Variants in SH3PXD2B observed in about 807,000 individuals in gnomAD.
SH3PXD2B encodes the protein SH3 and PX domain-containing protein 2B.
In SH3PXD2B, 37 loss-of-function variants were observed where a neutral mutation model predicts 73.1. The ratio of observed to expected loss-of-function variants is 0.51; its 90% CI spans 0.39 to 0.67. SH3PXD2B has a LOEUF of 0.67. Ranked by LOEUF, SH3PXD2B falls within the 30% of genes least tolerant of loss-of-function variation. The pLI is 0.00. For missense variants in SH3PXD2B, 1,053 were observed against 1,197.8 expected, an observed-to-expected ratio of 0.88 and a Z score of 1.78; for synonymous variants, 457 against 480.5, an observed-to-expected ratio of 0.95 and a Z score of 0.64.
chr5:172,338,764 G>C lies in SH3PXD2B; in HGVS notation c.2341C>G (p.Pro781Ala). The C allele has an allele frequency of 6.2e-7, 1 of 1,614,206 alleles. No homozygotes were observed. Among genetic ancestry groups the C allele is most frequent in the Non-Finnish European group, 8.5e-7 (1 of 1,180,036 alleles). Reference protein sequence around the residue: ...SSRPLPEVRGPQCEGHESRAA... With the variant: ...SSRPLPEVRGAQCEGHESRAA... ...CTGCTTTCGTGGCCTTCACACTGTG[G>C]ACCTCTGACCTCTGGGAGCGGCCTG... The change falls in exon 13 of 13, where the codon CCA becomes GCA. Residue 781 changes from proline to alanine, a missense_variant. Coordinates refer to ENST00000311601, the MANE Select transcript of SH3PXD2B (RefSeq NM_001017995.3). The surrounding 1 kb of genome is among the most constrained non-coding windows in gnomAD (Gnocchi z 5.1).
rs916819339 is a variant in SH3PXD2B at position 172,381,897 on chromosome 5, G to A, written c.401+139C>T. ...CTACCCACTTACAGCAACTCTGAAG[G>A]CTAAGTGAAGTGCGGTCTCACAGGG... On this transcript the variant is annotated intron_variant, in intron 5 of 12. Coordinates refer to ENST00000311601, the MANE Select transcript of SH3PXD2B (RefSeq NM_001017995.3). 3.8e-5 allele frequency: 24 copies of A among 639,782 alleles called. No homozygotes were observed. In the African/African-American group the frequency reaches 4.4e-4, roughly 12 times the overall value. 39.6% of individuals were successfully genotyped at this position (639,782 alleles called of 1,614,324 possible).
chr5:172,397,548 C>T (rs1043506789), intron 3 of SH3PXD2B, among the ~76,000 whole-genome samples: 1 of 152,292 alleles, frequency 6.6e-6, no homozygotes, highest in South Asian at 2.1e-4. Context: ...TGATGTCTCC[C>T]CCGGACACCC....
chr5:172,339,992 G>A lies in SH3PXD2B; in HGVS notation c.1189-76C>T. 6.3e-7 allele frequency: 1 copy of A among 1,590,554 alleles called. No homozygotes were observed. The highest frequency in any genetic ancestry group is 8.6e-7 in the Non-Finnish European group (1 of 1,168,588). On this transcript the variant is annotated intron_variant, in intron 12 of 12. Transcript: ENST00000311601. The surrounding 1 kb of genome is among the most constrained non-coding windows in gnomAD (Gnocchi z 6.1). Reference sequence around the variant, plus strand: ...GATGGAATGGTTTGGCAGAACCCATGTGCAACTGGAGCTCTAGAAGCTGTC... The same window carrying A: ...GATGGAATGGTTTGGCAGAACCCATATGCAACTGGAGCTCTAGAAGCTGTC...
At chr5:172,348,748 C>T (rs1757084292) in intron 10 of SH3PXD2B, among the ~76,000 whole-genome samples, 1 of 150,906 alleles carries the variant, frequency 6.6e-6, no homozygotes, top group Non-Finnish European at 1.5e-5. Context: ...GCTCTATTGC[C>T]CAGGCTGGAA....
chr5:172,450,880 G>C (rs1209536526), intron 1 of SH3PXD2B, among the ~76,000 whole-genome samples: 1 of 152,218 alleles, frequency 6.6e-6, no homozygotes, highest in African/African-American at 2.4e-5. Context: ...GGCAGAGAAA[G>C]GCAGGAGCTC....
Position 172,409,162 on chromosome 5 carries a change from G to A in SH3PXD2B, c.157-2810C>T, listed in dbSNP as rs563197216. Among the ~76,000 whole-genome samples the A allele has an allele frequency of 7.2e-5, 11 of 152,160 alleles. No homozygotes were observed. The South Asian group carries it at 2.1e-3, about 29-fold the overall frequency. ...TCTGAGAGGCCGAGGTGGGTGGATG[G>A]CCTGAGGTCAGGAGATCGAGACCAG... On this transcript the variant is annotated intron_variant, in intron 2 of 12. Transcript: ENST00000311601.
intron 1 of SH3PXD2B, among the ~76,000 whole-genome samples, chr5:172,426,048 T>G (rs1236559302): frequency 1.3e-5 from 2 of 152,158 alleles, no homozygotes; most frequent in Non-Finnish European, 2.9e-5. Flanking sequence ...GATTTTTTTC[T>G]TAAAACCAAC....
intron 2 of SH3PXD2B, among the ~76,000 whole-genome samples, chr5:172,418,680 CT>C (rs1252696601): frequency 1.1e-4 from 17 of 152,308 alleles, no homozygotes; most frequent in Admixed American, 1.1e-3. Flanking sequence ...TTCCACGATG[CT>C]TCCAGGATAA....
At chr5:172,420,670 T>C (rs17653344) in intron 2 of SH3PXD2B, among the ~76,000 whole-genome samples, 61,695 of 152,070 alleles carry the variant, frequency 0.41, 13,062 homozygotes, top group East Asian at 0.7. Context: ...TATTGACTTC[T>C]TGGGTGGAGC....
intron 4 of SH3PXD2B, among the ~76,000 whole-genome samples, chr5:172,384,922 C>T (rs1452448528): frequency 6.6e-6 from 1 of 152,184 alleles, no homozygotes; most frequent in African/African-American, 2.4e-5. Context: ...TTCCACCCTT[C>T]TGAGGGGTGA....
intron 4 of SH3PXD2B, among the ~76,000 whole-genome samples, chr5:172,390,813 TTTTGTGTGTGTGTGTG>T (rs1467832671): frequency 1.7e-5 from 2 of 116,762 alleles, no homozygotes; most frequent in Non-Finnish European, 3.4e-5. Context: ...GCTTCCCGTC[TTTTGTGTGTGTGTGTG>T]TGTGTGTGTG....
At chr5:172,384,346 G>A (rs541342572) in intron 4 of SH3PXD2B, among the ~76,000 whole-genome samples, 1 of 152,056 alleles carries the variant, frequency 6.6e-6, no homozygotes, top group South Asian at 2.1e-4. Flanking sequence ...ATTAAATTGT[G>A]GTAAAATACA....
intron 1 of SH3PXD2B, 57 bp from the exon 2 acceptor site, chr5:172,422,553 T>C: frequency 3.3e-6 from 5 of 1,517,600 alleles, no homozygotes; most frequent in Non-Finnish European, 4.5e-6. Context: ...TCCCAATCTC[T>C]GGGACCCAGG....
intron 1 of SH3PXD2B, among the ~76,000 whole-genome samples, chr5:172,432,997 C>T (rs76019020): frequency 1.3e-5 from 2 of 151,564 alleles, no homozygotes; most frequent in Non-Finnish European, 2.9e-5. Context: ...TACACACACA[C>T]ACACAGTTAC....
Position 172,452,131 on chromosome 5 carries a change from G to A in SH3PXD2B, c.75+2147C>T, listed in dbSNP as rs138356059. 4.5e-4 allele frequency among the ~76,000 whole-genome samples: 69 copies of A among 152,216 alleles called. No individual in the cohort carries two copies. The East Asian group carries it at 5.0e-3, about 11-fold the overall frequency. ...AATGCCCTAAGGCAGCCTGTCATGC[G>A]GCTGCTACCTCTAGGAAATGGACAC... On this transcript the variant is annotated intron_variant, in intron 1 of 12. Transcript: ENST00000311601.
intron 1 of SH3PXD2B, among the ~76,000 whole-genome samples, chr5:172,452,713 G>A (rs889974742): frequency 6.6e-6 from 1 of 152,334 alleles, no homozygotes; most frequent in Non-Finnish European, 1.5e-5. Context: ...GAGGTGGCAT[G>A]GAGAATTCCA....
chr5:172,425,885 G>A (rs1170484516), intron 1 of SH3PXD2B, among the ~76,000 whole-genome samples: 1 of 152,118 alleles, frequency 6.6e-6, no homozygotes, highest in Non-Finnish European at 1.5e-5. Flanking sequence ...CTCATTGAAG[G>A]GCTGCACCTG....
chr5:172,412,564 T>G (rs920124099), intron 2 of SH3PXD2B, among the ~76,000 whole-genome samples: 5 of 152,200 alleles, frequency 3.3e-5, no homozygotes, highest in African/African-American at 7.2e-5. Flanking sequence ...TTGCAAAGAC[T>G]AGGACTCAGG....
chr5:172,381,679 G>A (rs1347686066), intron 5 of SH3PXD2B, among the ~76,000 whole-genome samples: 3 of 152,156 alleles, frequency 2.0e-5, no homozygotes, highest in African/African-American at 7.2e-5. Context: ...CACATCCCTG[G>A]CAGTTCCCGA....
Sources: gnomAD v4.1 joint callset for allele counts (sites outside exome capture counted in the v4.1 genomes callset) on GRCh38, gnomAD v4.1.1 for gene constraint, Gnocchi (gnomAD v3.1) non-coding constraint, MANE v1.5 for transcripts, NCBI Gene and HGNC (gene_info 2026-07-23, HGNC 2026-07-21) for gene names.